Variants in MYSM1 observed in about 807,000 individuals in gnomAD.
MYSM1 encodes deubiquitinase MYSM1.
MYSM1 carries 51 observed loss-of-function variants against 116.0 expected under a neutral mutation model. That is an observed-to-expected ratio of 0.44 (90% CI 0.35 to 0.56). The LOEUF (loss-of-function observed/expected upper bound fraction) is 0.56. Among genes scored for constraint, MYSM1 ranks in the 20% least tolerant of loss-of-function variants. The pLI is 0.00. For synonymous variants in MYSM1, 313 were observed against 315.2 expected, an observed-to-expected ratio of 0.99 and a Z score of 0.07; for missense variants, 900 against 974.9, an observed-to-expected ratio of 0.92 and a Z score of 1.02.
At chr1:58,676,879 G>T (rs766111014) in intron 9 of MYSM1, 47 bp downstream of exon 9, 6 of 1,590,226 alleles carry the variant, frequency 3.8e-6, no homozygotes, top group Non-Finnish European at 1.7e-6. Flanking sequence ...AGTGCTGTAA[G>T]GATAAAAAAT....
rs1644343255 is a variant in MYSM1 at position 58,658,201 on chromosome 1, T to G, written c.*1796A>C. On this transcript the variant is annotated 3_prime_UTR_variant, in exon 20 of 20. Transcript: ENST00000472487. ...CACACAGCAAAGTTGGTAACAGAGT[T>G]AGGGTAAGAGCTCAGGTTTCCTGAC... 6.6e-6 allele frequency: 1 copy of G among 152,156 alleles called. No homozygotes were observed. The highest frequency in any genetic ancestry group is 2.4e-5 in the African/African-American group (1 of 41,420). The allele number at this position is 152,156 out of a possible 1,614,324, so 9.4% of individuals were successfully genotyped here.
intron 8 of MYSM1, among the ~76,000 whole-genome samples, chr1:58,678,685 A>G (rs1009607983): frequency 1.3e-5 from 2 of 152,222 alleles, no homozygotes; most frequent in African/African-American, 2.4e-5. Context: ...TAAGTTCTAT[A>G]AAGAAAATAA....
At chr1:58,665,715 T>A in intron 16 of MYSM1, 84 bp from the exon 17 acceptor site, 1 of 945,126 alleles carries the variant, frequency 1.1e-6, no homozygotes, top group Non-Finnish European at 1.6e-6. Flanking sequence ...TTTAAACATC[T>A]AATGGGGAAA....
rs1407917059 is a variant in MYSM1 at position 58,659,282 on chromosome 1, T to C, written c.*715A>G. ...TTAAATGAGGTTTTATCACACCTAC[T>C]AATGTAAGTGGACTCACAATTGAAG... On this transcript the variant is annotated 3_prime_UTR_variant, in exon 20 of 20. Coordinates refer to ENST00000472487, the MANE Select transcript of MYSM1 (RefSeq NM_001085487.3). 6.6e-6 allele frequency: 1 copy of C among 152,194 alleles called. No individual in the cohort carries two copies. Among genetic ancestry groups the C allele is most frequent in the African/African-American group, 2.4e-5 (1 of 41,454 alleles). 9.4% of individuals were successfully genotyped at this position (152,194 alleles called of 1,614,324 possible).
chr1:58,699,985 C>G lies in MYSM1; in HGVS notation c.68G>C (p.Gly23Ala), dbSNP rs1227003630. The G allele has an allele frequency of 6.2e-7, 1 of 1,613,482 alleles. No homozygotes were observed. The highest frequency in any genetic ancestry group is 1.3e-5 in the African/African-American group (1 of 74,942). The change falls in exon 1 of 20, where the codon GGA (glycine) becomes GCA (alanine). Residue 23 changes from glycine (G) to alanine (A), a missense_variant and splice_region_variant. This residue lies in a region of MYSM1 where 622 missense variants were observed against 623.7 expected (regional missense o/e 1.00). Coordinates refer to ENST00000472487, the MANE Select transcript of MYSM1 (RefSeq NM_001085487.3). ...DVVAAAGAQPGSGENTASVLQ... is the reference protein window; with the variant it reads ...DVVAAAGAQPASGENTASVLQ... ...GAGAGACCCGGTCTCTAAGCCTCAC[C>G]CTGGCTGTGCCCCCGCCGCCGCTAC...
rs1488284740 is a variant in MYSM1 at position 58,681,930 on chromosome 1, G to A, written c.1114C>T (p.Leu372Phe). The change falls in exon 8 of 20, where the codon CTT (leucine) becomes TTT (phenylalanine). Residue 372 changes from leucine (L) to phenylalanine (F), a missense_variant. Around this residue, in one of 3 missense-constraint regions of MYSM1, gnomAD observed 622 missense variants for 623.7 expected, o/e 1.00. Coordinates refer to ENST00000472487, the MANE Select transcript of MYSM1 (RefSeq NM_001085487.3). ...TCTATTTCCTGTTCTGGTGGCTTAAGCTCTTCTTCCTCATGGCTTTCCTCT... is the reference window on the plus strand; with the variant it reads ...TCTATTTCCTGTTCTGGTGGCTTAAACTCTTCTTCCTCATGGCTTTCCTCT... ...MVEESHEEEE[L>F]KPPEQEIEID... 1 of 1,614,000 alleles carries A rather than the reference G, an allele frequency of 6.2e-7. No homozygotes were observed. The highest frequency in any genetic ancestry group is 1.7e-5 in the Admixed American group (1 of 60,000).
intron 10 of MYSM1, 124 bp from the exon 11 acceptor site, chr1:58,673,774 A>G (rs1365566409): frequency 6.4e-6 from 5 of 775,230 alleles, no homozygotes; most frequent in Non-Finnish European, 1.0e-5. Flanking sequence ...TTTAAATAGT[A>G]TAACCTCTGG....
intron 10 of MYSM1, among the ~76,000 whole-genome samples, chr1:58,675,131 A>G (rs557454114): frequency 2.0e-4 from 30 of 152,154 alleles, no homozygotes; most frequent in Non-Finnish European, 3.4e-4. Flanking sequence ...TAAGAATTTT[A>G]AAAGAAAAAT....
chr1:58,698,072 C>T (rs1190846776), intron 1 of MYSM1, among the ~76,000 whole-genome samples: 3 of 103,776 alleles, frequency 2.9e-5, no homozygotes, highest in African/African-American at 1.2e-4. Flanking sequence ...CCACTGGACA[C>T]TATTTATCAG....
intron 13 of MYSM1, 38 bp downstream of exon 13, chr1:58,668,946 G>A (rs767144107): frequency 3.4e-6 from 5 of 1,487,650 alleles, no homozygotes; most frequent in Non-Finnish European, 4.6e-6. Flanking sequence ...GGGGAAGCGG[G>A]GATTGTCTAC....
intron 3 of MYSM1, among the ~76,000 whole-genome samples, chr1:58,691,791 A>G (rs1644909440): frequency 6.6e-6 from 1 of 151,802 alleles, no homozygotes; most frequent in South Asian, 2.1e-4. Context: ...CGCTTGAACC[A>G]GGGAGGCAGA....
chr1:58,684,140 C>G (rs934967373), intron 7 of MYSM1, among the ~76,000 whole-genome samples: 2 of 152,080 alleles, frequency 1.3e-5, no homozygotes, highest in African/African-American at 4.8e-5. Context: ...CCACCTATGT[C>G]TAGACAACAC....
chr1:58,697,445 A>T (rs1244170904), intron 1 of MYSM1, among the ~76,000 whole-genome samples: 1 of 152,212 alleles, frequency 6.6e-6, no homozygotes, highest in Non-Finnish European at 1.5e-5. Context: ...GTTCAACCTA[A>T]CAAAGAGAAG....
intron 10 of MYSM1, 86 bp from the exon 11 acceptor site, chr1:58,673,736 A>G: frequency 1.8e-6 from 2 of 1,123,626 alleles, no homozygotes; most frequent in Non-Finnish European, 1.3e-6. Flanking sequence ...GAAAACAATA[A>G]TTATCTAAAA....
chr1:58,668,600 A>G (rs1195914211), intron 14 of MYSM1, 32 bp downstream of exon 14: 2 of 1,574,566 alleles, frequency 1.3e-6, no homozygotes, highest in East Asian at 2.3e-5. Flanking sequence ...AGAAATCAGA[A>G]TAACTAAGTA....
At chr1:58,684,733 T>C (rs1398568394) in intron 7 of MYSM1, among the ~76,000 whole-genome samples, 1 of 152,198 alleles carries the variant, frequency 6.6e-6, no homozygotes, top group African/African-American at 2.4e-5. Context: ...AAAAATTTCA[T>C]AGCTATTTAA....
chr1:58,689,165 T>A (rs535434261), intron 5 of MYSM1, 49 bp from the exon 6 acceptor site: 1 of 1,405,670 alleles, frequency 7.1e-7, no homozygotes, highest in Admixed American at 2.1e-5. Flanking sequence ...AATGGAACAT[T>A]CCATATTTAT....
intron 1 of MYSM1, chr1:58,699,517 A>T: frequency 1.7e-6 from 1 of 584,460 alleles, no homozygotes; most frequent in Non-Finnish European, 2.2e-6. Context: ...CATTTAAGTC[A>T]ACCTGCTTCT....
In MYSM1 at chr1:58,698,102, A is replaced by ATATATATATTTTTTTTTTTT; in HGVS notation, c.68+1882_68+1883insAAAAAAAAAAAATATATATA. On this transcript the variant is annotated intron_variant, in intron 1 of 19. Coordinates refer to ENST00000472487, the MANE Select transcript of MYSM1 (RefSeq NM_001085487.3). Reference sequence around the variant, plus strand: ...TATCAGACTATATATATATATATATATTTTTTTTTTTTTTTTGAGACAGAG... The same window carrying ATATATATATTTTTTTTTTTT: ...TATCAGACTATATATATATATATATATATATATATTTTTTTTTTTTTTTTTTTTTTTTTTTTGAGACAGAG... Among the ~76,000 whole-genome samples, 7 of 7,770 alleles carry ATATATATATTTTTTTTTTTT rather than the reference A, an allele frequency of 9.0e-4. 1 individual carries two copies. The highest frequency in any genetic ancestry group is 1.8e-3 in the African/African-American group (7 of 3,892). The allele number at this position is 7,770 out of a possible 152,430, so 5.1% of individuals were successfully genotyped here. A position where few individuals can be genotyped will look rare whatever the true frequency, so the allele number is the denominator to read the frequency against.
Sources: allele counts gnomAD v4.1 joint callset (sites outside exome capture counted in the v4.1 genomes callset), GRCh38; gene constraint gnomAD v4.1.1; regional missense constraint gnomAD v4.1.1; transcripts MANE v1.5; gene names NCBI Gene and HGNC (gene_info 2026-07-23, HGNC 2026-07-21).